FBXW8: variants seen among roughly 807,000 people sequenced by gnomAD.
FBXW8 encodes F-box/WD repeat-containing protein 8.
In FBXW8, 57 loss-of-function variants were observed where a neutral mutation model predicts 65.3. The observed-to-expected ratio is 0.87, with a 90% CI of 0.71 to 1.09. FBXW8 has a LOEUF of 1.09. Ranked by LOEUF, FBXW8 falls within the 50% of genes least tolerant of loss-of-function variation. The pLI is 0.00. For synonymous variants in FBXW8, 308 were observed against 330.2 expected, an observed-to-expected ratio of 0.93 and a Z score of 0.73; for missense variants, 777 against 814.8, an observed-to-expected ratio of 0.95 and a Z score of 0.57.
At chr12:116,988,566 G>T in intron 6 of FBXW8, 97 bp from the exon 7 acceptor site, 2 of 1,035,378 alleles carry the variant, frequency 1.9e-6, no homozygotes, top group African/African-American at 1.6e-5. Context: ...TTTTCTGTTG[G>T]GTTGCTGGTC....
At chr12:116,930,234 T>C (rs368917652) in intron 2 of FBXW8, among the ~76,000 whole-genome samples, 3 of 152,342 alleles carry the variant, frequency 2.0e-5, no homozygotes, top group Non-Finnish European at 4.4e-5. Context: ...TTTTTAATAT[T>C]CTAAGGAACC....
chr12:116,956,377 A>G (rs186380438), intron 4 of FBXW8, among the ~76,000 whole-genome samples: 1 of 152,302 alleles, frequency 6.6e-6, no homozygotes, highest in Admixed American at 6.5e-5. Context: ...AGTGTGCCCA[A>G]GTAGATACAA....
chr12:116,996,331 A>G (rs1953372480), intron 7 of FBXW8, among the ~76,000 whole-genome samples: 1 of 152,140 alleles, frequency 6.6e-6, no homozygotes, highest in Non-Finnish European at 1.5e-5. Flanking sequence ...ATTATTCCCC[A>G]TACACGGACG....
At position 116,942,930 on chromosome 12, in the gene FBXW8, A is replaced by T. The variant is rs551756675; in HGVS notation, c.424-2434A>T. ...GTAGCTGGGACTACAGGTGCGTGCC[A>T]CCATGCCTGGATAATTTTTTGTATT... On this transcript the variant is annotated intron_variant, in intron 2 of 10. Coordinates refer to ENST00000652555, the MANE Select transcript of FBXW8 (RefSeq NM_153348.3). 5.3e-5 allele frequency among the ~76,000 whole-genome samples: 8 copies of T among 151,776 alleles called. No individual in the cohort carries two copies. The South Asian group carries it at 1.7e-3, about 32-fold the overall frequency.
chr12:116,947,995 G>C (rs547220565), intron 3 of FBXW8, among the ~76,000 whole-genome samples: 3 of 152,276 alleles, frequency 2.0e-5, no homozygotes, highest in Admixed American at 6.5e-5. Context: ...TGTGCTGTGC[G>C]TGCTCGACTT....
At chr12:116,946,995 G>A (rs1592872355) in intron 3 of FBXW8, among the ~76,000 whole-genome samples, 1 of 152,044 alleles carries the variant, frequency 6.6e-6, no homozygotes, top group African/African-American at 2.4e-5. Flanking sequence ...GCTTGAATTC[G>A]AAGATGTCAG....
intron 4 of FBXW8, among the ~76,000 whole-genome samples, chr12:116,952,265 C>T (rs1883334236): frequency 1.3e-5 from 2 of 152,172 alleles, no homozygotes; most frequent in African/African-American, 4.8e-5. Context: ...TAAGAACACT[C>T]TGTGATGTTT....
intron 6 of FBXW8, chr12:116,986,625 CAA>C (rs570226579): frequency 4.0e-5 from 5 of 123,918 alleles, no homozygotes; most frequent in Non-Finnish European, 3.5e-5. Flanking sequence ...GACTCCGTCT[CAA>C]AAAAAAAAAA....
chr12:116,946,215 A>G (rs531787745), intron 3 of FBXW8, among the ~76,000 whole-genome samples: 31 of 152,296 alleles, frequency 2.0e-4, no homozygotes, highest in Non-Finnish European at 2.9e-4. Context: ...TACTCCCATA[A>G]AGGTCAATCC....
chr12:117,012,588 A>AT (rs748993535), intron 8 of FBXW8, among the ~76,000 whole-genome samples: 5 of 152,142 alleles, frequency 3.3e-5, no homozygotes. Context: ...GAAGTCTTAC[A>AT]TTTTTTCCCC....
At chr12:116,966,764 G>A (rs1439079624) in intron 5 of FBXW8, among the ~76,000 whole-genome samples, 1 of 151,976 alleles carries the variant, frequency 6.6e-6, no homozygotes, top group Non-Finnish European at 1.5e-5. Flanking sequence ...ACCCAGGCTG[G>A]AGTGCAGTGG....
intron 8 of FBXW8, among the ~76,000 whole-genome samples, chr12:117,013,569 CG>C (rs1953876137): frequency 2.0e-5 from 3 of 151,974 alleles, no homozygotes; most frequent in Admixed American, 2.0e-4. Context: ...TGGTACTCGG[CG>C]GGTGCCTAGC....
In FBXW8 at chr12:116,961,654, C is replaced by T. The variant is rs1427439191; in HGVS notation, c.678-3043C>T. On this transcript the variant is annotated intron_variant, in intron 4 of 10. Transcript: ENST00000652555. This position sits in a 1 kb window ranked among gnomAD's most constrained non-coding sequence, Gnocchi z 4.4. ...CAGTCATTGCATGCACAGCTATGAA[C>T]AAAACCCAGACCCTGAGCTCAGAAG... Among the ~76,000 whole-genome samples the T allele has an allele frequency of 6.6e-6, 1 of 152,160 alleles. No individual in the cohort carries two copies. The highest frequency in any genetic ancestry group is 1.5e-5 in the Non-Finnish European group (1 of 68,036).
intron 7 of FBXW8, among the ~76,000 whole-genome samples, chr12:116,996,179 G>A (rs555777430): frequency 1.3e-5 from 2 of 152,210 alleles, no homozygotes; most frequent in African/African-American, 4.8e-5. Flanking sequence ...TGTATTAAGC[G>A]GCACACGGCG....
At chr12:116,945,622 C>A in intron 3 of FBXW8, 94 bp downstream of exon 3, 1 of 1,291,326 alleles carries the variant, frequency 7.7e-7, no homozygotes, top group Non-Finnish European at 1.1e-6. Flanking sequence ...TAATTGCCAA[C>A]AGCGAAGGGA....
chr12:117,029,234 T>C lies in FBXW8; in HGVS notation c.*1062T>C, dbSNP rs1592979500. On this transcript the variant is annotated 3_prime_UTR_variant, in exon 11 of 11. Coordinates refer to ENST00000652555, the MANE Select transcript of FBXW8 (RefSeq NM_153348.3). ...ACACCATACAGGCCAAATTATAGAATCCCCCAACCCCAAGACACTGCACCC... is the reference window on the plus strand; with the variant it reads ...ACACCATACAGGCCAAATTATAGAACCCCCCAACCCCAAGACACTGCACCC... 6.8e-6 allele frequency: 1 copy of C among 146,170 alleles called. No homozygotes were observed. 9.1% of individuals were successfully genotyped at this position (146,170 alleles called of 1,614,324 possible). A position where few individuals can be genotyped will look rare whatever the true frequency, so the allele number is the denominator to read the frequency against.
At chr12:116,949,907 T>C (rs1883170663) in intron 4 of FBXW8, 1 of 567,298 alleles carries the variant, frequency 1.8e-6, no homozygotes, top group South Asian at 2.2e-5. Flanking sequence ...AAGCACATGG[T>C]GTAGAGCGGA....
chr12:116,914,952 C>A (rs557373707), intron 1 of FBXW8, among the ~76,000 whole-genome samples: 1 of 152,204 alleles, frequency 6.6e-6, no homozygotes, highest in Non-Finnish European at 1.5e-5. Flanking sequence ...TCATTGTGTG[C>A]GTAAACTGTC....
At chr12:117,010,507 C>G in intron 8 of FBXW8, 57 bp downstream of exon 8, 3 of 1,610,682 alleles carry the variant, frequency 1.9e-6, no homozygotes, top group South Asian at 2.2e-5. Context: ...CAAGGCCCGG[C>G]CCCCACTGCG....
Sources: allele counts gnomAD v4.1 joint callset (sites outside exome capture counted in the v4.1 genomes callset), GRCh38; gene constraint gnomAD v4.1.1; non-coding constraint Gnocchi (gnomAD v3.1); transcripts MANE v1.5; gene names NCBI Gene and HGNC (gene_info 2026-07-23, HGNC 2026-07-21).